Variants in PI4KA observed in about 807,000 individuals in gnomAD.
The protein encoded by PI4KA is phosphatidylinositol 4-kinase alpha.
In PI4KA, 122 loss-of-function variants were observed where a neutral mutation model predicts 271.4. The ratio of observed to expected loss-of-function variants is 0.45; its 90% confidence interval spans 0.39 to 0.52. The LOEUF (loss-of-function observed/expected upper bound fraction) is 0.52, where lower values mean the gene tolerates loss of function less well. Among genes scored for constraint, PI4KA ranks in the 20% least tolerant of loss-of-function variants. The pLI is 0.00. For synonymous variants in PI4KA, 1,041 were observed against 1,078.8 expected (o/e 0.96, Z 0.69); for missense variants, 1,969 against 2,769.1 (o/e 0.71, Z 6.48).
In PI4KA at chr22:20,805,098, C is replaced by T; in HGVS notation, c.1236G>A (p.Gly412=). 6.2e-7 allele frequency: 1 copy of T among 1,614,102 alleles called. No homozygotes were observed. The highest frequency in any genetic ancestry group is 8.5e-7 in the Non-Finnish European group (1 of 1,179,952). Residue 412 remains glycine, a synonymous_variant, in exon 11 of 55, where the codon GGG becomes GGA. Transcript: ENST00000255882. ...FVLEQFNTSQ[G]ELQKILHDAD... is the part of the protein sequence containing the mutation. ...CGTCATGTAGAATCTTCTGGAGCTCCCCCTGGCTCGTGTTGAACTGCTCCA... is the reference window on the plus strand; with the variant it reads ...CGTCATGTAGAATCTTCTGGAGCTCTCCCTGGCTCGTGTTGAACTGCTCCA...
intron 29 of PI4KA, among the ~76,000 whole-genome samples, chr22:20,746,723 A>G (rs1930158400): frequency 6.6e-6 from 1 of 152,202 alleles, no homozygotes; most frequent in Non-Finnish European, 1.5e-5. Context: ...TGCAGGCTGG[A>G]CCCAGCTCAA....
chr22:20,726,437 G>A (rs765117952), intron 42 of PI4KA, 51 bp downstream of exon 42: 1 of 1,397,386 alleles, frequency 7.2e-7, no homozygotes, highest in South Asian at 1.4e-5. Context: ...ACAAGCTGGT[G>A]TGGAACACAC....
chr22:20,830,440 T>C (rs990180049), intron 3 of PI4KA, among the ~76,000 whole-genome samples: 3 of 152,236 alleles, frequency 2.0e-5, no homozygotes, highest in Admixed American at 1.3e-4. Flanking sequence ...TGGAAGTCTA[T>C]TTTGTCTGAA....
chr22:20,726,204 C>T (rs989433315), intron 42 of PI4KA: 22 of 348,104 alleles, frequency 6.3e-5, no homozygotes, highest in Admixed American at 4.7e-4. Flanking sequence ...GGGACCCCAC[C>T]GATGAGAGGG....
At chr22:20,789,054 A>C (rs1226269322) in intron 19 of PI4KA, among the ~76,000 whole-genome samples, 1 of 152,070 alleles carries the variant, frequency 6.6e-6, no homozygotes, top group Non-Finnish European at 1.5e-5. Context: ...GTTCATGTAC[A>C]CCCACTCAGA....
Position 20,736,797 on chromosome 22 carries a change from G to A in PI4KA, c.3742-2244C>T, listed in dbSNP as rs550837413. ...CATCTACAGTGAATGGAGGGACCTC[G>A]CTGGCATCTACAGTGAAGGGAAGGG... On this transcript the variant is annotated intron_variant, in intron 32 of 54. Coordinates refer to ENST00000255882, the MANE Select transcript of PI4KA (RefSeq NM_058004.4). The A allele has an allele frequency of 1.7e-3, 255 of 154,028 alleles. 2 individuals carry two copies. Among genetic ancestry groups the A allele is most frequent in the African/African-American group, 5.9e-3 (244 of 41,208 alleles). The allele number at this position is 154,028 out of a possible 1,614,324, so 9.5% of individuals were successfully genotyped here.
rs1255502274 is a variant in PI4KA, at chr22:20,729,996, C to T, written c.4304G>A (p.Arg1435Gln). The stretch of plus-strand genomic sequence containing the variant: ...GCCGACAGTTATGTCCAGGTTGCTC[C>T]GGGTGTCCTGATTATCTGAGGGCAA... ...QLVPPDNQDT[R>Q]SNLDITVGSR... The change falls in exon 37 of 55, where the codon CGG becomes CAG. Residue 1435 changes from arginine (R) to glutamine (Q), a missense_variant. By Grantham distance (43) the Arg-to-Gln change is conservative. Around this residue, in one of 13 missense-constraint regions of PI4KA, gnomAD observed 23 missense variants for 23.2 expected, o/e 0.99. Coordinates refer to ENST00000255882, the MANE Select transcript of PI4KA (RefSeq NM_058004.4). 5 of 1,614,120 alleles carry T rather than the reference C, an allele frequency of 3.1e-6. No homozygotes were observed. The highest frequency in any genetic ancestry group is 2.2e-5 in the South Asian group (2 of 91,082).
At chr22:20,749,528 G>T (rs1930450126) in intron 28 of PI4KA, among the ~76,000 whole-genome samples, 1 of 152,250 alleles carries the variant, frequency 6.6e-6, no homozygotes, top group African/African-American at 2.4e-5. Flanking sequence ...ACCAGCCTTG[G>T]TCAGGCCCCT....
chr22:20,718,625 G>A (rs1391389818), intron 44 of PI4KA, 68 bp downstream of exon 44: 91 of 1,550,394 alleles, frequency 5.9e-5, no homozygotes, highest in Non-Finnish European at 8.0e-5. Flanking sequence ...AGCTTCCCAG[G>A]CAATTCTGTT....
At chr22:20,788,268 T>G (rs180930520) in intron 19 of PI4KA, among the ~76,000 whole-genome samples, 1 of 152,270 alleles carries the variant, frequency 6.6e-6, no homozygotes, top group Non-Finnish European at 1.5e-5. Flanking sequence ...TGGGTTCAAG[T>G]GCAGGTTGGC....
chr22:20,836,831 C>T (rs909136257), intron 2 of PI4KA, among the ~76,000 whole-genome samples: 1 of 152,176 alleles, frequency 6.6e-6, no homozygotes, highest in Non-Finnish European at 1.5e-5. Context: ...CTAGTCCTTA[C>T]CCAGAACCTG....
intron 1 of PI4KA, among the ~76,000 whole-genome samples, chr22:20,840,607 C>A (rs531826463): frequency 6.6e-6 from 1 of 152,270 alleles, no homozygotes; most frequent in East Asian, 1.9e-4. Flanking sequence ...TGGTAGCAAT[C>A]AACGAGTAGA....
chr22:20,752,843 T>A lies in PI4KA; in HGVS notation c.2987+60A>T, dbSNP rs1042992230. On this transcript the variant is annotated intron_variant, in intron 25 of 54. Coordinates refer to ENST00000255882, the MANE Select transcript of PI4KA (RefSeq NM_058004.4). ...AATATAAGGATGATTTTTCCCAGCATTTGAAATCACAGAAGTTTATATACA... is the reference window on the plus strand; with the variant it reads ...AATATAAGGATGATTTTTCCCAGCAATTGAAATCACAGAAGTTTATATACA... 8.8e-5 allele frequency: 136 copies of A among 1,550,076 alleles called. 1 individual carries two copies. The highest frequency in any genetic ancestry group is 1.2e-4 in the Non-Finnish European group (132 of 1,128,458).
chr22:20,717,928 G>A (rs1368840027), intron 44 of PI4KA, 150 bp from the exon 45 acceptor site: 3 of 647,406 alleles, frequency 4.6e-6, no homozygotes, highest in South Asian at 1.7e-5. Context: ...CACTGGCAGC[G>A]ATTCTTGCCC....
chr22:20,787,529 G>C lies in PI4KA; in HGVS notation c.2328+5664C>G, dbSNP rs540424187. 19 of 235,366 alleles carry C rather than the reference G, an allele frequency of 8.1e-5. No homozygotes were observed. In the East Asian group the frequency reaches 2.0e-3, roughly 25 times the overall value. 14.6% of individuals were successfully genotyped at this position (235,366 alleles called of 1,614,324 possible). ...ACTAGCACCATTCTTGATGTCCAGG[G>C]AAGAAGCCACCTCAAGACATATGAG... On this transcript the variant is annotated intron_variant, in intron 19 of 54. Coordinates refer to ENST00000255882, the MANE Select transcript of PI4KA (RefSeq NM_058004.4).
intron 29 of PI4KA, among the ~76,000 whole-genome samples, chr22:20,746,968 G>A (rs1930182617): frequency 6.6e-6 from 1 of 152,174 alleles, no homozygotes; most frequent in South Asian, 2.1e-4. Flanking sequence ...TGCTCCATTT[G>A]GAGAGAGTTG....
At chr22:20,839,483 G>C (rs757004609) in intron 1 of PI4KA, among the ~76,000 whole-genome samples, 2 of 152,150 alleles carry the variant, frequency 1.3e-5, no homozygotes, top group African/African-American at 2.4e-5. Flanking sequence ...CCTTGACCAC[G>C]AACAGGTTAC....
chr22:20,742,653 T>A lies in PI4KA; in HGVS notation c.3568A>T (p.Thr1190Ser), dbSNP rs777255762. ...ALDRSHPQHY[T>S]QAMFKLTAML... ...GCGGTCAGCTTGAACATGGCCTGCG[T>A]GTAGTGCTGAGGATGACTGCGGTCT... Residue 1190 changes from threonine (T) to serine (S), a missense_variant, in exon 31 of 55, where the codon ACG (threonine) becomes TCG (serine). Around this residue, in one of 13 missense-constraint regions of PI4KA, gnomAD observed 203 missense variants for 256.8 expected, o/e 0.79. Transcript: ENST00000255882. 2.2e-5 allele frequency: 36 copies of A among 1,614,220 alleles called. No individual in the cohort carries two copies. The highest frequency in any genetic ancestry group is 3.1e-5 in the Non-Finnish European group (36 of 1,180,024).
intron 19 of PI4KA, among the ~76,000 whole-genome samples, chr22:20,770,709 T>C (rs915651564): frequency 1.3e-5 from 2 of 151,710 alleles, no homozygotes; most frequent in Non-Finnish European, 2.9e-5. Flanking sequence ...GGTACGGGTA[T>C]ACAGGAGTTG....
Sources: allele counts gnomAD v4.1 joint callset (sites outside exome capture counted in the v4.1 genomes callset), GRCh38; gene constraint gnomAD v4.1.1; regional missense constraint gnomAD v4.1.1; transcripts MANE v1.5; gene names NCBI Gene and HGNC (gene_info 2026-07-23, HGNC 2026-07-21).